TMC1: variants seen among roughly 807,000 people sequenced by gnomAD.
TMC1 encodes transmembrane channel-like protein 1.
TMC1 carries 84 observed loss-of-function variants against 105.8 expected under a neutral mutation model. The ratio of observed to expected loss-of-function variants is 0.79; its 90% CI spans 0.67 to 0.95. The LOEUF (loss-of-function observed/expected upper bound fraction) is 0.95, where lower values mean the gene tolerates loss of function less well. Among genes scored for constraint, TMC1 ranks in the 40% least tolerant of loss-of-function variants. The probability of loss-of-function intolerance (pLI) is 0.00; values close to 1 mark genes in which losing one functional copy is unlikely to be tolerated. For missense variants in TMC1, 817 were observed against 914.1 expected (o/e 0.89, Z 1.37); for synonymous variants, 315 against 311.5 (o/e 1.01, Z -0.12).
intron 8 of TMC1, among the ~76,000 whole-genome samples, chr9:72,715,389 C>G (rs1008093016): frequency 1.3e-5 from 2 of 152,144 alleles, no homozygotes; most frequent in African/African-American, 4.8e-5. Context: ...CCATCACTTT[C>G]AGGTACACCA....
At chr9:72,556,118 A>ATT (rs776697230) in intron 1 of TMC1, among the ~76,000 whole-genome samples, 2 of 141,178 alleles carry the variant, frequency 1.4e-5, no homozygotes, top group African/African-American at 2.6e-5. Flanking sequence ...TCACCCGTGA[A>ATT]TTTTTTTTTT....
At position 72,806,949 on chromosome 9, in the gene TMC1, G is replaced by A. The variant is rs983455183; in HGVS notation, c.1695+1439G>A. ...GGAGGTTGTAGCGAGCCGAGATCAC[G>A]CCACTGCACTCCAGCCTGGGCACCA... On this transcript the variant is annotated intron_variant, in intron 18 of 23. Coordinates refer to ENST00000297784, the MANE Select transcript of TMC1 (RefSeq NM_138691.3). Among the ~76,000 whole-genome samples the A allele has an allele frequency of 2.8e-4, 43 of 152,310 alleles. 1 individual carries two copies. The highest frequency in any genetic ancestry group is 8.9e-4 in the African/African-American group (37 of 41,578).
chr9:72,715,906 C>G (rs1279779164), intron 8 of TMC1, among the ~76,000 whole-genome samples: 2 of 152,130 alleles, frequency 1.3e-5, no homozygotes, highest in Non-Finnish European at 2.9e-5. Flanking sequence ...ATTTATCTAC[C>G]TTTGGTCTTT....
In TMC1 at chr9:72,616,387, T is replaced by A. The variant is rs1163685119; in HGVS notation, c.-286T>A. 6.6e-6 allele frequency: 1 copy of A among 152,090 alleles called. No individual in the cohort carries two copies. Among genetic ancestry groups the A allele is most frequent in the East Asian group, 1.9e-4 (1 of 5,184 alleles). 9.4% of individuals were successfully genotyped at this position (152,090 alleles called of 1,614,324 possible). ...TTCCAGGCCATGAAAGATCACTGTT[T>A]TAGTCTGCGTGGTGCAGTGGAACAG... On this transcript the variant is annotated 5_prime_UTR_variant, in exon 3 of 24. Transcript: ENST00000297784.
At position 72,815,625 on chromosome 9, in the gene TMC1, T is replaced by C. The variant is rs566278203; in HGVS notation, c.1696-518T>C. 2.4e-3 allele frequency among the ~76,000 whole-genome samples: 373 copies of C among 152,328 alleles called. 2 individuals carry two copies. Among genetic ancestry groups the C allele is most frequent in the African/African-American group, 8.5e-3 (354 of 41,592 alleles). On this transcript the variant is annotated intron_variant, in intron 18 of 23. Coordinates refer to ENST00000297784, the MANE Select transcript of TMC1 (RefSeq NM_138691.3). ...TAACATTAGAGCACAGTTTTCCTCA[T>C]GTACATAAATATTCTTTCAAAATGA... is the stretch of plus-strand genomic sequence containing the variant.
At chr9:72,720,074 C>G (rs955947879) in intron 8 of TMC1, among the ~76,000 whole-genome samples, 4 of 152,120 alleles carry the variant, frequency 2.6e-5, no homozygotes, top group Non-Finnish European at 5.9e-5. Flanking sequence ...AACATGGTAC[C>G]TAGCATAATA....
Position 72,772,450 on chromosome 9 carries a change from A to T in TMC1, c.779A>T (p.Tyr260Phe). 1 of 1,613,920 alleles carries T rather than the reference A, an allele frequency of 6.2e-7. No individual in the cohort carries two copies. The highest frequency in any genetic ancestry group is 8.5e-7 in the Non-Finnish European group (1 of 1,179,840). Residue 260 changes from tyrosine to phenylalanine, a missense_variant, in exon 13 of 24, where the codon TAT becomes TTT. Physicochemically the swap from Tyr to Phe is conservative, Grantham distance 22. Coordinates refer to ENST00000297784, the MANE Select transcript of TMC1 (RefSeq NM_138691.3). Reference protein sequence around the residue: ...AQYSVLFYGYYDNKRTIGWMN... With the variant: ...AQYSVLFYGYFDNKRTIGWMN... The stretch of plus-strand genomic sequence containing the variant: ...TATTCCGTTCTCTTTTATGGCTATT[A>T]TGACAATAAACGAACAATTGGATGG...
At chr9:72,829,144 A>C (rs115673928) in intron 21 of TMC1, among the ~76,000 whole-genome samples, 7 of 152,044 alleles carry the variant, frequency 4.6e-5, no homozygotes, top group African/African-American at 1.7e-4. Flanking sequence ...TATTTTTTCA[A>C]ATTCTGAGAT....
intron 8 of TMC1, among the ~76,000 whole-genome samples, chr9:72,722,952 CTT>C (rs1387983436): frequency 6.6e-6 from 1 of 152,120 alleles, no homozygotes; most frequent in African/African-American, 2.4e-5. Flanking sequence ...TTCGGTATCT[CTT>C]TGAGGGATTT....
chr9:72,833,607 G>T (rs1370821893), intron 23 of TMC1, among the ~76,000 whole-genome samples: 1 of 152,142 alleles, frequency 6.6e-6, no homozygotes, highest in African/African-American at 2.4e-5. Context: ...GTAAGAAAGG[G>T]TATGTGAGAG....
intron 1 of TMC1, among the ~76,000 whole-genome samples, chr9:72,543,219 G>T (rs1823707319): frequency 6.6e-6 from 1 of 152,042 alleles, no homozygotes; most frequent in Non-Finnish European, 1.5e-5. Context: ...CAGAAATTGG[G>T]AACTTTTCCT....
At chr9:72,552,623 C>T (rs961704264) in intron 1 of TMC1, among the ~76,000 whole-genome samples, 1 of 152,146 alleles carries the variant, frequency 6.6e-6, no homozygotes, top group Non-Finnish European at 1.5e-5. Flanking sequence ...TTGCATTAAT[C>T]AGATTAGGAT....
At chr9:72,817,484 G>C (rs1256505896) in intron 19 of TMC1, among the ~76,000 whole-genome samples, 1 of 152,064 alleles carries the variant, frequency 6.6e-6, no homozygotes, top group Non-Finnish European at 1.5e-5. Context: ...TTCATTTCCT[G>C]GAGTTCAATT....
intron 9 of TMC1, chr9:72,741,260 T>C (rs1827385440): frequency 4.8e-6 from 1 of 208,298 alleles, no homozygotes; most frequent in East Asian, 1.3e-4. Flanking sequence ...CTGAAGGGCA[T>C]TCTTGATGAA....
chr9:72,538,308 C>G (rs1361237358), intron 1 of TMC1, among the ~76,000 whole-genome samples: 2 of 152,110 alleles, frequency 1.3e-5, no homozygotes, highest in Non-Finnish European at 1.5e-5. Context: ...GGGAGAGATT[C>G]TCTACAGAAC....
intron 5 of TMC1, among the ~76,000 whole-genome samples, chr9:72,649,283 C>T (rs1292903581): frequency 2.0e-5 from 3 of 152,154 alleles, no homozygotes; most frequent in Non-Finnish European, 4.4e-5. Flanking sequence ...CATTCTGTGA[C>T]ATTTATGTAG....
chr9:72,579,007 T>C (rs1283496002), intron 2 of TMC1, among the ~76,000 whole-genome samples: 2 of 152,228 alleles, frequency 1.3e-5, no homozygotes, highest in African/African-American at 2.4e-5. Flanking sequence ...TTTGAGGATC[T>C]AGGGCTTCTG....
Position 72,772,443 on chromosome 9 carries a change from G to A in TMC1, c.772G>A (p.Gly258Ser), listed in dbSNP as rs1343605167. ...GGCACAATATTCCGTTCTCTTTTAT[G>A]GCTATTATGACAATAAACGAACAAT... ...GLAQYSVLFYGYYDNKRTIGW... is the reference protein window; with the variant it reads ...GLAQYSVLFYSYYDNKRTIGW... The change falls in exon 13 of 24, where the codon GGC (glycine) becomes AGC (serine). Residue 258 changes from glycine (G) to serine (S), a missense_variant. Coordinates refer to ENST00000297784, the MANE Select transcript of TMC1 (RefSeq NM_138691.3). The A allele has an allele frequency of 6.2e-7, 1 of 1,613,838 alleles. No homozygotes were observed. The highest frequency in any genetic ancestry group is 1.1e-5 in the South Asian group (1 of 91,064).
chr9:72,543,720 T>A (rs926291823), intron 1 of TMC1, among the ~76,000 whole-genome samples: 3 of 152,078 alleles, frequency 2.0e-5, no homozygotes, highest in Non-Finnish European at 2.9e-5. Flanking sequence ...GCCATATATA[T>A]ATAAAGTTTG....
Sources: gnomAD v4.1 joint callset for allele counts (sites outside exome capture counted in the v4.1 genomes callset) on GRCh38, gnomAD v4.1.1 for gene constraint, MANE v1.5 for transcripts, NCBI Gene and HGNC (gene_info 2026-07-23, HGNC 2026-07-21) for gene names.